Variants in EPHA3 observed in about 807,000 individuals in gnomAD.
The protein encoded by EPHA3 is ephrin type-A receptor 3.
Under a neutral mutation model 107.1 loss-of-function variants are expected in EPHA3, and 42 were observed. That is an observed-to-expected ratio of 0.39 (90% CI 0.31 to 0.51). The LOEUF (loss-of-function observed/expected upper bound fraction) is 0.51. Among genes scored for constraint, EPHA3 ranks in the 20% least tolerant of loss-of-function variants. The pLI, the probability that EPHA3 is intolerant of heterozygous loss-of-function variation, is 0.78. For synonymous variants in EPHA3, 461 were observed against 424.8 expected (o/e 1.09, Z -1.05); for missense variants, 1,183 against 1,211.2 (o/e 0.98, Z 0.35).
intron 3 of EPHA3, among the ~76,000 whole-genome samples, chr3:89,272,678 G>A (rs531973169): frequency 4.6e-5 from 7 of 151,966 alleles, no homozygotes; most frequent in South Asian, 2.1e-4. Context: ...TCTGTCTGAC[G>A]TGGCTTTGAT....
intron 3 of EPHA3, among the ~76,000 whole-genome samples, chr3:89,275,034 T>C (rs1032592955): frequency 6.6e-6 from 1 of 152,038 alleles, no homozygotes; most frequent in Non-Finnish European, 1.5e-5. Flanking sequence ...TTGCTAATGA[T>C]GAAACTGAAG....
At chr3:89,298,955 T>C (rs1706423774) in intron 3 of EPHA3, among the ~76,000 whole-genome samples, 1 of 152,104 alleles carries the variant, frequency 6.6e-6, no homozygotes, top group Non-Finnish European at 1.5e-5. Flanking sequence ...ATAGCTGGTA[T>C]GGAATATTTT....
Position 89,120,979 on chromosome 3 carries a change from C to T in EPHA3, c.89-6230C>T, listed in dbSNP as rs1259403509. Among the ~76,000 whole-genome samples the T allele has an allele frequency of 2.0e-5, 3 of 152,192 alleles. No homozygotes were observed. The East Asian group carries it at 5.8e-4, about 29-fold the overall frequency. On this transcript the variant is annotated intron_variant, in intron 1 of 16. Transcript: ENST00000336596. ...CATCAGCCTGGCACGGTGGCTCACA[C>T]CTGTAATCCCAGCACTTTGGGAGGC... is the stretch of plus-strand genomic sequence containing the variant.
Position 89,413,235 on chromosome 3 carries a change from C to A in EPHA3, c.1857C>A (p.Thr619=), listed in dbSNP as rs769178893. 21 of 1,611,560 alleles carry A rather than the reference C, an allele frequency of 1.3e-5. No individual in the cohort carries two copies. The highest frequency in any genetic ancestry group is 1.7e-5 in the Non-Finnish European group (20 of 1,178,376). The change falls in exon 10 of 17, where the codon ACC becomes ACA. Residue 619 remains threonine, a synonymous_variant. Transcript: ENST00000336596. ...VHEFAKELDA[T]NISIDKVVGA... ...AGTTTGCCAAGGAATTGGATGCCAC[C>A]AACATATCCATTGATAAAGTTGTTG... is the stretch of plus-strand genomic sequence containing the variant.
chr3:89,218,845 G>C (rs1044134820), intron 3 of EPHA3, among the ~76,000 whole-genome samples: 1 of 152,160 alleles, frequency 6.6e-6, no homozygotes, highest in Non-Finnish European at 1.5e-5. Flanking sequence ...TGCTGGAGAG[G>C]ATGTGGAGAA....
chr3:89,154,276 T>A (rs1229218844), intron 2 of EPHA3, among the ~76,000 whole-genome samples: 2 of 151,510 alleles, frequency 1.3e-5, no homozygotes, highest in Non-Finnish European at 2.9e-5. Flanking sequence ...GTTTGTTTTT[T>A]TTTTTTTTTA....
chr3:89,417,312 C>CTT (rs1273814062), intron 10 of EPHA3, among the ~76,000 whole-genome samples: 1 of 151,462 alleles, frequency 6.6e-6, no homozygotes, highest in East Asian at 1.9e-4. Context: ...GATCCATGCT[C>CTT]TTAACCAGAG....
intron 11 of EPHA3, among the ~76,000 whole-genome samples, chr3:89,425,541 C>A (rs1211820945): frequency 2.6e-5 from 4 of 150,956 alleles, no homozygotes; most frequent in Admixed American, 1.3e-4. Flanking sequence ...GTGTTAGACC[C>A]AATGACTGTT....
At chr3:89,149,514 T>G (rs1362623153) in intron 2 of EPHA3, among the ~76,000 whole-genome samples, 1 of 152,008 alleles carries the variant, frequency 6.6e-6, no homozygotes, top group Admixed American at 6.6e-5. Context: ...CTTTAAGTTT[T>G]AGGGTACATG....
chr3:89,107,911 C>G, intron 1 of EPHA3, 75 bp downstream of exon 1: 1 of 1,442,514 alleles, frequency 6.9e-7, no homozygotes, highest in South Asian at 1.2e-5. Flanking sequence ...CTCACCGAAG[C>G]CTTGCACGTC....
chr3:89,472,539 T>C lies in EPHA3; in HGVS notation c.2766T>C (p.Gly922=). 6.2e-7 allele frequency: 1 copy of C among 1,614,124 alleles called. No individual in the cohort carries two copies. The change falls in exon 16 of 17, where the codon GGT becomes GGC. Residue 922 remains glycine, a synonymous_variant. Coordinates refer to ENST00000336596, the MANE Select transcript of EPHA3 (RefSeq NM_005233.6). The stretch of plus-strand genomic sequence containing the variant: ...GCACAACAGGTGACTGGCTTAATGG[T>C]GTCTGGACAGCACACTGCAAGGAAA... The part of the protein sequence containing the change: ...TFRTTGDWLN[G]VWTAHCKEIF...
chr3:89,474,980 T>G (rs1247944579), intron 16 of EPHA3, among the ~76,000 whole-genome samples: 1 of 152,150 alleles, frequency 6.6e-6, no homozygotes, highest in Non-Finnish European at 1.5e-5. Flanking sequence ...TATGTCCATA[T>G]TGCACTCCCC....
intron 5 of EPHA3, among the ~76,000 whole-genome samples, chr3:89,351,162 G>A (rs1042408592): frequency 6.6e-6 from 1 of 151,230 alleles, no homozygotes; most frequent in Non-Finnish European, 1.5e-5. Context: ...GAGCTTCCCC[G>A]CTGCTTTGTT....
chr3:89,172,741 A>G (rs1029371675), intron 2 of EPHA3, among the ~76,000 whole-genome samples: 1 of 152,176 alleles, frequency 6.6e-6, no homozygotes, highest in African/African-American at 2.4e-5. Context: ...TCACTCAGAA[A>G]GGTGATCTAT....
At chr3:89,164,400 C>T (rs538630132) in intron 2 of EPHA3, among the ~76,000 whole-genome samples, 72 of 152,322 alleles carry the variant, frequency 4.7e-4, no homozygotes, top group African/African-American at 1.3e-3. Context: ...AGACACGCCC[C>T]CCTAAAAAAT....
intron 3 of EPHA3, among the ~76,000 whole-genome samples, chr3:89,304,824 G>A (rs183205690): frequency 6.6e-6 from 1 of 152,050 alleles, no homozygotes; most frequent in African/African-American, 2.4e-5. Flanking sequence ...ACTCCAAAAG[G>A]GAGAGGTTCT....
chr3:89,127,493 T>C (rs1704119025), intron 2 of EPHA3, among the ~76,000 whole-genome samples: 2 of 151,954 alleles, frequency 1.3e-5, no homozygotes, highest in East Asian at 1.9e-4. Flanking sequence ...ATCAATTGCT[T>C]GAATGGACTG....
chr3:89,148,141 C>T (rs568952828), intron 2 of EPHA3, among the ~76,000 whole-genome samples: 1 of 151,954 alleles, frequency 6.6e-6, no homozygotes, highest in Non-Finnish European at 1.5e-5. Context: ...CACACATGTG[C>T]TCTCTGTGTG....
intron 5 of EPHA3, among the ~76,000 whole-genome samples, chr3:89,387,464 C>T (rs150675696): frequency 6.6e-6 from 1 of 152,132 alleles, no homozygotes; most frequent in African/African-American, 2.4e-5. Context: ...GGCCTCCTCA[C>T]CCCTGAGTAA....
Sources: allele counts gnomAD v4.1 joint callset (sites outside exome capture counted in the v4.1 genomes callset), GRCh38; gene constraint gnomAD v4.1.1; transcripts MANE v1.5; gene names NCBI Gene and HGNC (gene_info 2026-07-23, HGNC 2026-07-21).